The following CDKN3 variants were observed in gnomAD, a reference collection of about 807,000 sequenced individuals.
CDKN3 encodes the protein cyclin dependent kinase inhibitor 3.
In CDKN3, 19 loss-of-function variants were observed where a neutral mutation model predicts 36.1. The observed-to-expected ratio is 0.53, with a 90% CI of 0.37 to 0.77. The LOEUF (loss-of-function observed/expected upper bound fraction) is 0.77. Among genes scored for constraint, CDKN3 ranks in the 30% least tolerant of loss-of-function variants. CDKN3 has a pLI of 0.00. For missense variants in CDKN3, 188 were observed against 248.6 expected (o/e 0.76, Z 1.64); for synonymous variants, 71 against 85.3 (o/e 0.83, Z 0.92).
chr14:54,417,807 G>A, intron 6 of CDKN3, 41 bp from the exon 7 acceptor site: 1 of 1,109,906 alleles, frequency 9.0e-7, no homozygotes, highest in Non-Finnish European at 1.3e-6. Flanking sequence ...CCTGTCACTA[G>A]TTATTTAATA....
At chr14:54,412,816 C>T (rs1340003857) in intron 5 of CDKN3, 5 of 497,732 alleles carry the variant, frequency 1.0e-5, no homozygotes, top group Middle Eastern at 3.2e-4. Flanking sequence ...ATTCTAATAA[C>T]CTGCTTAATC....
intron 3 of CDKN3, among the ~76,000 whole-genome samples, chr14:54,402,309 CGTGTGTGTGTGTGTGT>C (rs35529322): frequency 6.8e-6 from 1 of 147,728 alleles, no homozygotes; most frequent in Non-Finnish European, 1.5e-5. Flanking sequence ...CATGTGTGTG[CGTGTGTGTGTGTGTGT>C]GTGTGTGTGT....
In CDKN3 at chr14:54,397,035, A is replaced by G; in HGVS notation, c.-34A>G. 2 of 1,481,564 alleles carry G rather than the reference A, an allele frequency of 1.3e-6. No homozygotes were observed. The highest frequency in any genetic ancestry group is 9.0e-7 in the Non-Finnish European group (1 of 1,112,650). The allele number at this position is 1,481,564 out of a possible 1,614,324, so 91.8% of individuals were successfully genotyped here. The stretch of plus-strand genomic sequence containing the variant: ...GGTGAGTCGCCGGCGCTGCAGAGGG[A>G]GGCGGCACTGGTCTCGACGTGGGGC... On this transcript the variant is annotated 5_prime_UTR_variant, in exon 1 of 8. Coordinates refer to ENST00000335183, the MANE Select transcript of CDKN3 (RefSeq NM_005192.4).
chr14:54,407,833 A>G (rs572225270), intron 3 of CDKN3, among the ~76,000 whole-genome samples: 1 of 152,316 alleles, frequency 6.6e-6, no homozygotes, highest in South Asian at 2.1e-4. Flanking sequence ...CCCTGGCTTC[A>G]GCCCTCTTTC....
chr14:54,418,610 C>T (rs1023493456), intron 7 of CDKN3, among the ~76,000 whole-genome samples: 3 of 152,236 alleles, frequency 2.0e-5, no homozygotes, highest in African/African-American at 7.2e-5. Flanking sequence ...CGTGCCCTCT[C>T]AGCATTAGAA....
intron 1 of CDKN3, among the ~76,000 whole-genome samples, chr14:54,399,067 C>T (rs916542946): frequency 1.4e-5 from 2 of 145,482 alleles, no homozygotes; most frequent in Admixed American, 7.1e-5. Context: ...CTCACTGCAA[C>T]CTCTGCCTCC....
intron 3 of CDKN3, among the ~76,000 whole-genome samples, chr14:54,402,982 G>A (rs144166898): frequency 0.12 from 18,328 of 152,164 alleles, 1,493 homozygotes; most frequent in Non-Finnish European, 0.18. Flanking sequence ...GTCAGGTAGC[G>A]TGATGCCTCC....
intron 5 of CDKN3, chr14:54,413,707 A>G (rs1056692110): frequency 2.0e-6 from 3 of 1,534,104 alleles, no homozygotes; most frequent in Non-Finnish European, 2.6e-6. Flanking sequence ...TCCTTCAGCA[A>G]CAGGATCTGG....
In CDKN3 at chr14:54,411,644, C is replaced by A. The variant is rs1166099727; in HGVS notation, c.354C>A (p.Ser118Arg). ...ATGGAGGGACTCCTGACATAGCCAG[C>A]TGCTGTGAAATAATGGAAGAGCTTA... Reference protein sequence around the residue: ...IADGGTPDIASCCEIMEELTT... With the variant: ...IADGGTPDIARCCEIMEELTT... The change falls in exon 5 of 8, where the codon AGC becomes AGA. Residue 118 changes from serine (S) to arginine (R), a missense_variant. Transcript: ENST00000335183. The A allele has an allele frequency of 6.2e-7, 1 of 1,613,974 alleles. No homozygotes were observed. Among genetic ancestry groups the A allele is most frequent in the Non-Finnish European group, 8.5e-7 (1 of 1,179,880 alleles).
At position 54,398,636 on chromosome 14, in the gene CDKN3, A is replaced by G. The variant is rs4251602; in HGVS notation, c.10-1258A>G. Among the ~76,000 whole-genome samples the G allele has an allele frequency of 2.7e-3, 414 of 152,308 alleles. 1 individual carries two copies. Among genetic ancestry groups the G allele is most frequent in the Non-Finnish European group, 4.9e-3 (330 of 68,020 alleles). On this transcript the variant is annotated intron_variant, in intron 1 of 7. Coordinates refer to ENST00000335183, the MANE Select transcript of CDKN3 (RefSeq NM_005192.4). Reference sequence around the variant, plus strand: ...TTCAACTAGGGAGTGAGAAAAGGGTATGGGTTTTGTTCTGTTTTGTTTTTG... The same window carrying G: ...TTCAACTAGGGAGTGAGAAAAGGGTGTGGGTTTTGTTCTGTTTTGTTTTTG...
chr14:54,418,887 C>T (rs540136455), intron 7 of CDKN3, among the ~76,000 whole-genome samples: 2 of 152,230 alleles, frequency 1.3e-5, no homozygotes, highest in South Asian at 2.1e-4. Context: ...CGGCCAGGCG[C>T]GGTGGCTCAT....
chr14:54,414,178 A>C (rs2030453486), intron 5 of CDKN3: 1 of 153,266 alleles, frequency 6.5e-6, no homozygotes, highest in Non-Finnish European at 1.4e-5. Context: ...ACCTGCAAAG[A>C]CTCAAATTCT....
chr14:54,406,326 C>T (rs1171124989), intron 3 of CDKN3, among the ~76,000 whole-genome samples: 1 of 152,006 alleles, frequency 6.6e-6, no homozygotes, highest in Non-Finnish European at 1.5e-5. Context: ...GTTGGGGTTG[C>T]TCTTCTCGTG....
intron 5 of CDKN3, chr14:54,413,716 G>C: frequency 6.5e-7 from 1 of 1,532,368 alleles, no homozygotes; most frequent in East Asian, 2.4e-5. Context: ...AACAGGATCT[G>C]GTAAACCTTT....
At chr14:54,415,041 C>T (rs1337178532) in intron 5 of CDKN3, among the ~76,000 whole-genome samples, 2 of 149,816 alleles carry the variant, frequency 1.3e-5, no homozygotes, top group Non-Finnish European at 2.9e-5. Flanking sequence ...ATGTCCATAA[C>T]GATAAGTCAT....
chr14:54,402,967 T>C (rs569924023), intron 3 of CDKN3, among the ~76,000 whole-genome samples: 1 of 152,346 alleles, frequency 6.6e-6, no homozygotes, highest in Non-Finnish European at 1.5e-5. Context: ...GTAGTATAGT[T>C]TGAAGTCAGG....
At chr14:54,417,219 A>T (rs2030580976) in intron 6 of CDKN3, among the ~76,000 whole-genome samples, 1 of 152,236 alleles carries the variant, frequency 6.6e-6, no homozygotes, top group East Asian at 1.9e-4. Flanking sequence ...AGCAGCATTA[A>T]TCATAATAGC....
At chr14:54,412,841 G>T (rs752332250) in intron 5 of CDKN3, 9 of 514,714 alleles carry the variant, frequency 1.7e-5, no homozygotes, top group East Asian at 5.5e-5. Flanking sequence ...CTCGAATAAG[G>T]TAGGGTATTA....
intron 5 of CDKN3, among the ~76,000 whole-genome samples, chr14:54,412,014 T>C (rs534121913): frequency 2.8e-4 from 42 of 152,332 alleles, no homozygotes; most frequent in African/African-American, 8.2e-4. Flanking sequence ...TTTGGGACCC[T>C]CCTTTCCCCT....
Sources: gnomAD v4.1 joint callset for allele counts (sites outside exome capture counted in the v4.1 genomes callset) on GRCh38, gnomAD v4.1.1 for gene constraint, MANE v1.5 for transcripts, NCBI Gene and HGNC (gene_info 2026-07-23, HGNC 2026-07-21) for gene names.